TAPT1: variants seen among roughly 807,000 people sequenced by gnomAD.
The protein encoded by TAPT1 is transmembrane anterior posterior transformation 1.
TAPT1 carries 28 observed loss-of-function variants against 65.6 expected under a neutral mutation model. The observed-to-expected ratio is 0.43, with a 90% confidence interval of 0.32 to 0.59. The LOEUF (loss-of-function observed/expected upper bound fraction) is 0.59, where lower values mean the gene tolerates loss of function less well. Among genes scored for constraint, TAPT1 ranks in the 20% least tolerant of loss-of-function variants. The pLI is 0.09. For missense variants in TAPT1, 563 were observed against 679.9 expected, an observed-to-expected ratio of 0.83 and a Z score of 1.91; for synonymous variants, 278 against 245.2, an observed-to-expected ratio of 1.13 and a Z score of -1.25.
chr4:16,196,587 C>T (rs1289811071), intron 3 of TAPT1: 2 of 741,578 alleles, frequency 2.7e-6, no homozygotes, highest in Non-Finnish European at 4.1e-6. Flanking sequence ...TCTGCCTATC[C>T]TGTTTACTTT....
chr4:16,184,725 G>A (rs953089962), intron 7 of TAPT1, among the ~76,000 whole-genome samples: 1 of 152,102 alleles, frequency 6.6e-6, no homozygotes, highest in Non-Finnish European at 1.5e-5. Flanking sequence ...TAATAATGCC[G>A]AGCAGCTTTT....
chr4:16,174,638 A>T, intron 10 of TAPT1, 32 bp downstream of exon 10: 3 of 1,546,198 alleles, frequency 1.9e-6, no homozygotes, highest in Non-Finnish European at 2.6e-6. Flanking sequence ...TGCCTTTGTT[A>T]ATTTCAGACT....
At chr4:16,215,690 A>C (rs1263552877) in intron 1 of TAPT1, among the ~76,000 whole-genome samples, 1 of 152,230 alleles carries the variant, frequency 6.6e-6, no homozygotes, top group African/African-American at 2.4e-5. Context: ...AGTTGAAGTC[A>C]CATGGGTTAA....
At chr4:16,216,044 G>A (rs1261757495) in intron 1 of TAPT1, 4 of 152,136 alleles carry the variant, frequency 2.6e-5, no homozygotes, top group African/African-American at 9.7e-5. Context: ...GAAAGCAGAG[G>A]AGATTCCACA....
chr4:16,160,808 T>TA lies in TAPT1; in HGVS notation c.*2499_*2500insT, dbSNP rs1213292531. On this transcript the variant is annotated 3_prime_UTR_variant, in exon 14 of 14. Transcript: ENST00000405303. ...GAGTTACCAGGAGTGGCAGGATATA[T>TA]TTTGATGGCCTAATTATAGCAAGTT... 1 of 152,678 alleles carries TA rather than the reference T, an allele frequency of 6.5e-6. No homozygotes were observed. Among genetic ancestry groups the TA allele is most frequent in the African/African-American group, 2.4e-5 (1 of 41,464 alleles). 9.5% of individuals were successfully genotyped at this position (152,678 alleles called of 1,614,324 possible). A position where few individuals can be genotyped will look rare whatever the true frequency, so the allele number is the denominator to read the frequency against.
chr4:16,187,648 C>T (rs531392983), intron 5 of TAPT1, among the ~76,000 whole-genome samples: 85 of 151,984 alleles, frequency 5.6e-4, no homozygotes, highest in African/African-American at 1.9e-3. Context: ...CCTGACTTCA[C>T]ATGGAACTTA....
Position 16,226,391 on chromosome 4 carries a change from G to A in TAPT1, c.67C>T (p.Arg23Trp). The A allele has an allele frequency of 9.1e-7, 1 of 1,097,606 alleles. No homozygotes were observed. The highest frequency in any genetic ancestry group is 1.1e-6 in the Non-Finnish European group (1 of 903,492). The allele number at this position is 1,097,606 out of a possible 1,614,324, so 68.0% of individuals were successfully genotyped here. Reference protein sequence around the residue: ...GGGGGVDGPQRDGRGEAEQPG... With the variant: ...GGGGGVDGPQWDGRGEAEQPG... ...TGCTCCGCCTCGCCGCGGCCGTCCC[G>A]CTGCGGGCCGTCCACGCCGCCACCG... Residue 23 changes from arginine (R) to tryptophan (W), a missense_variant, in exon 1 of 14, where the codon CGG becomes TGG. Transcript: ENST00000405303.
At chr4:16,173,431 T>C (rs2149673402) in intron 11 of TAPT1, among the ~76,000 whole-genome samples, 1 of 152,304 alleles carries the variant, frequency 6.6e-6, no homozygotes, top group East Asian at 1.9e-4. Context: ...TTATTCTTTC[T>C]TTTTTGAGAT....
intron 3 of TAPT1, among the ~76,000 whole-genome samples, chr4:16,194,648 C>CA (rs1013176577): frequency 3.2e-4 from 48 of 149,446 alleles, no homozygotes; most frequent in Middle Eastern, 3.4e-3. Context: ...AAAATGAACG[C>CA]AAAAAAAAAC....
intron 7 of TAPT1, among the ~76,000 whole-genome samples, chr4:16,181,954 A>T (rs182789048): frequency 1.3e-5 from 2 of 152,354 alleles, no homozygotes; most frequent in East Asian, 3.9e-4. Flanking sequence ...ATGCGATTTT[A>T]TAAGATGAAG....
At chr4:16,212,536 T>C (rs1303139219) in intron 2 of TAPT1, among the ~76,000 whole-genome samples, 1 of 152,234 alleles carries the variant, frequency 6.6e-6, no homozygotes, top group Non-Finnish European at 1.5e-5. Context: ...AATCTCAATG[T>C]ATAAGACAGA....
intron 2 of TAPT1, among the ~76,000 whole-genome samples, chr4:16,205,830 C>T (rs886918253): frequency 1.1e-4 from 17 of 152,162 alleles, no homozygotes; most frequent in African/African-American, 3.9e-4. Flanking sequence ...CAGTTCATTG[C>T]TAAGGAGCTC....
At chr4:16,184,681 T>C (rs1446231449) in intron 7 of TAPT1, among the ~76,000 whole-genome samples, 2 of 152,212 alleles carry the variant, frequency 1.3e-5, no homozygotes, top group Non-Finnish European at 2.9e-5. Context: ...TGCTATCTCA[T>C]TATGGCTTTG....
At position 16,161,134 on chromosome 4, in the gene TAPT1, A is replaced by G. The variant is rs1336818289; in HGVS notation, c.*2174T>C. On this transcript the variant is annotated 3_prime_UTR_variant, in exon 14 of 14. Transcript: ENST00000405303. ...AATCAAGGCCGAGCCTATTTTTTCC[A>G]AAGACAAAATTAAACATTTTGCCAC... The G allele has an allele frequency of 2.0e-5, 3 of 152,670 alleles. No individual in the cohort carries two copies. Among genetic ancestry groups the G allele is most frequent in the African/African-American group, 7.2e-5 (3 of 41,470 alleles). The allele number at this position is 152,670 out of a possible 1,614,324, so 9.5% of individuals were successfully genotyped here. A position where few individuals can be genotyped will look rare whatever the true frequency, so the allele number is the denominator to read the frequency against.
intron 9 of TAPT1, among the ~76,000 whole-genome samples, chr4:16,175,713 TAGC>T (rs1748281276): frequency 6.6e-6 from 1 of 152,140 alleles, no homozygotes; most frequent in African/African-American, 2.4e-5. Flanking sequence ...TTCTAAAACT[TAGC>T]AGGAACCTAT....
chr4:16,186,947 G>C (rs1025297550), intron 5 of TAPT1, 69 bp from the exon 6 acceptor site: 8 of 828,116 alleles, frequency 9.7e-6, no homozygotes, highest in Non-Finnish European at 1.6e-5. Flanking sequence ...ATAAAATTTT[G>C]AAAGTGAATA....
rs12651110 is a variant in TAPT1, at chr4:16,213,914, T to C, written c.200-16A>G. ...AATGAAAGCTCTACAGAAAAGAAAA[T>C]GACAGAAAACAAAAAGAACAGTATT... On this transcript the variant is annotated splice_polypyrimidine_tract_variant and intron_variant, in intron 1 of 13. Coordinates refer to ENST00000405303, the MANE Select transcript of TAPT1 (RefSeq NM_153365.3). The C allele has an allele frequency of 1.7e-5, 27 of 1,576,916 alleles. No homozygotes were observed. Among genetic ancestry groups the C allele is most frequent in the Non-Finnish European group, 2.3e-5 (27 of 1,169,718 alleles).
intron 12 of TAPT1, among the ~76,000 whole-genome samples, chr4:16,167,602 G>A (rs1244659849): frequency 6.6e-6 from 1 of 152,172 alleles, no homozygotes; most frequent in Non-Finnish European, 1.5e-5. Context: ...AAGTGTGTCT[G>A]TGTGGAGTCC....
chr4:16,172,801 G>A (rs1232294594), intron 11 of TAPT1, among the ~76,000 whole-genome samples: 1 of 151,648 alleles, frequency 6.6e-6, no homozygotes. Context: ...AAAGACAGTT[G>A]CATTTGTTTG....
Sources: gnomAD v4.1 joint callset for allele counts (sites outside exome capture counted in the v4.1 genomes callset) on GRCh38, gnomAD v4.1.1 for gene constraint, MANE v1.5 for transcripts, NCBI Gene and HGNC (gene_info 2026-07-23, HGNC 2026-07-21) for gene names.